Variants in ABTB2 observed in about 807,000 individuals in gnomAD.
The protein encoded by ABTB2 is ankyrin repeat and BTB/POZ domain-containing protein 2.
A neutral mutation model predicts 104.1 loss-of-function variants in ABTB2; 56 were observed. The ratio of observed to expected loss-of-function variants is 0.54; its 90% confidence interval spans 0.43 to 0.67. The LOEUF (loss-of-function observed/expected upper bound fraction) is 0.67, where lower values mean the gene tolerates loss of function less well. ABTB2 is among the 30% of genes least tolerant of loss of function. ABTB2 has a pLI of 0.00. For synonymous variants in ABTB2, 606 were observed against 608.2 expected, an observed-to-expected ratio of 1.00 and a Z score of 0.05; for missense variants, 1,279 against 1,407.7, an observed-to-expected ratio of 0.91 and a Z score of 1.46.
intron 14 of ABTB2, among the ~76,000 whole-genome samples, 196 bp downstream of exon 14, chr11:34,159,100 G>A (rs1852671612): frequency 6.6e-6 from 1 of 152,244 alleles, no homozygotes; most frequent in Admixed American, 6.5e-5. Flanking sequence ...CCATGTGACA[G>A]GCTCTGAAGC....
intron 3 of ABTB2, among the ~76,000 whole-genome samples, chr11:34,174,652 A>G (rs890721346): frequency 2.0e-5 from 3 of 152,176 alleles, no homozygotes; most frequent in Non-Finnish European, 2.9e-5. Context: ...TCCGTGTTGG[A>G]GCCCCCTCAG....
intron 3 of ABTB2, 30 bp downstream of exon 3, chr11:34,197,295 C>A (rs752802505): frequency 6.2e-6 from 10 of 1,609,370 alleles, no homozygotes; most frequent in Non-Finnish European, 8.5e-6. Context: ...GCACGTCCCA[C>A]CAGGTGCTCA....
At chr11:34,158,260 A>AAAATT (rs1415340611) in intron 14 of ABTB2, among the ~76,000 whole-genome samples, 9 of 152,140 alleles carry the variant, frequency 5.9e-5, no homozygotes, top group Middle Eastern at 3.2e-3. Context: ...AAAAATACAA[A>AAAATT]AAATTAGCTG....
In ABTB2 at chr11:34,241,995, A is replaced by C. The variant is rs540470673; in HGVS notation, c.884-37305T>G. 1.1e-4 allele frequency among the ~76,000 whole-genome samples: 16 copies of C among 152,378 alleles called. No individual in the cohort carries two copies. The South Asian group carries it at 3.3e-3, about 32-fold the overall frequency. ...CTCCTGGCCCCTTGTTTGCTTCAACAAATGAAAGAAGCAAAATGCAGAAGC... is the reference window on the plus strand; with the variant it reads ...CTCCTGGCCCCTTGTTTGCTTCAACCAATGAAAGAAGCAAAATGCAGAAGC... On this transcript the variant is annotated intron_variant, in intron 1 of 16. Coordinates refer to ENST00000435224, the MANE Select transcript of ABTB2 (RefSeq NM_145804.3).
At chr11:34,299,106 G>A (rs1289187513) in intron 1 of ABTB2, among the ~76,000 whole-genome samples, 3 of 152,182 alleles carry the variant, frequency 2.0e-5, no homozygotes, top group Admixed American at 6.5e-5. Flanking sequence ...TACAGGGAAC[G>A]GATCTTTTTA....
intron 1 of ABTB2, among the ~76,000 whole-genome samples, chr11:34,219,882 AG>A (rs1240474174): frequency 3.3e-5 from 5 of 152,230 alleles, no homozygotes; most frequent in African/African-American, 1.2e-4. Context: ...GAAACTTGGA[AG>A]GACAGCCTGA....
intron 1 of ABTB2, among the ~76,000 whole-genome samples, chr11:34,333,386 T>C (rs1209572832): frequency 1.3e-5 from 2 of 151,968 alleles, no homozygotes; most frequent in African/African-American, 2.4e-5. Context: ...TCCCAATCTA[T>C]ACTAAAGGAG....
At chr11:34,249,316 G>A (rs1440093538) in intron 1 of ABTB2, among the ~76,000 whole-genome samples, 1 of 152,220 alleles carries the variant, frequency 6.6e-6, no homozygotes, top group Non-Finnish European at 1.5e-5. Flanking sequence ...TGTGGTCAGT[G>A]TAGGACGATA....
At chr11:34,174,471 C>A (rs1852935838) in intron 3 of ABTB2, among the ~76,000 whole-genome samples, 1 of 152,244 alleles carries the variant, frequency 6.6e-6, no homozygotes, top group Non-Finnish European at 1.5e-5. Flanking sequence ...TGCAAACTCC[C>A]GGGGCGCCGC....
chr11:34,332,162 G>A (rs1223194896), intron 1 of ABTB2, among the ~76,000 whole-genome samples: 1 of 152,080 alleles, frequency 6.6e-6, no homozygotes, highest in Non-Finnish European at 1.5e-5. Context: ...GTAACTTTTC[G>A]CCTCTATTCT....
intron 3 of ABTB2, among the ~76,000 whole-genome samples, chr11:34,175,583 T>C (rs1398221803): frequency 6.6e-6 from 1 of 152,206 alleles, no homozygotes; most frequent in Non-Finnish European, 1.5e-5. Flanking sequence ...AAGTTAGGGA[T>C]TTTCTGTAAT....
At chr11:34,161,232 C>T in intron 10 of ABTB2, 151 bp from the exon 11 acceptor site, 1 of 699,366 alleles carries the variant, frequency 1.4e-6, no homozygotes. Flanking sequence ...CCTTCCTGGG[C>T]ATGGAGTGGC....
intron 1 of ABTB2, among the ~76,000 whole-genome samples, chr11:34,250,146 T>C (rs1166083298): frequency 2.6e-5 from 4 of 152,076 alleles, no homozygotes; most frequent in Admixed American, 2.6e-4. Context: ...AGCTGGGTGT[T>C]CTAAGAGCAC....
Position 34,165,256 on chromosome 11 carries a change from C to T in ABTB2, c.1852+4G>A, listed in dbSNP as rs745905076. ...GACAGAGCCTCCGGGTAGCAGGTGCCTACCTGCCGCAGAGGCCAGCTGCAG... is the reference window on the plus strand; with the variant it reads ...GACAGAGCCTCCGGGTAGCAGGTGCTTACCTGCCGCAGAGGCCAGCTGCAG... On this transcript the variant is annotated splice_donor_region_variant and intron_variant, in intron 8 of 16. Transcript: ENST00000435224. 9.1e-6 allele frequency: 14 copies of T among 1,546,500 alleles called. No individual in the cohort carries two copies. The highest frequency in any genetic ancestry group is 2.0e-5 in the Admixed American group (1 of 50,526).
At chr11:34,263,666 A>G (rs891181827) in intron 1 of ABTB2, among the ~76,000 whole-genome samples, 4 of 152,046 alleles carry the variant, frequency 2.6e-5, no homozygotes, top group African/African-American at 7.2e-5. Context: ...AGTTTCCATT[A>G]CCAGCCCAGG....
chr11:34,239,324 T>C (rs929034072), intron 1 of ABTB2, among the ~76,000 whole-genome samples: 9 of 152,126 alleles, frequency 5.9e-5, no homozygotes, highest in East Asian at 3.9e-4. Context: ...CAAGGCTTCA[T>C]TGATGCTGCT....
rs924927544 is a variant in ABTB2, at chr11:34,195,082, G to C, written c.1244+2243C>G. Among the ~76,000 whole-genome samples the C allele has an allele frequency of 1.4e-3, 137 of 95,060 alleles. 21 individuals are homozygous for C. Among genetic ancestry groups the C allele is most frequent in the Non-Finnish European group, 2.7e-3 (107 of 39,222 alleles). 62.4% of individuals were successfully genotyped at this position (95,060 alleles called of 152,430 possible). On this transcript the variant is annotated intron_variant, in intron 3 of 16. Transcript: ENST00000435224. ...CATGACAAAGATGCCCGGCGGGGGG[G>C]GGGAGTGGGGGCGGGAGAAAGTGCC...
At chr11:34,173,572 A>C (rs1852916916) in intron 3 of ABTB2, among the ~76,000 whole-genome samples, 1 of 152,142 alleles carries the variant, frequency 6.6e-6, no homozygotes, top group African/African-American at 2.4e-5. Context: ...CTTTCTGCTC[A>C]CAGAGACCCC....
intron 1 of ABTB2, among the ~76,000 whole-genome samples, chr11:34,270,967 T>C (rs1434042896): frequency 6.6e-6 from 1 of 152,188 alleles, no homozygotes; most frequent in Non-Finnish European, 1.5e-5. Flanking sequence ...ATACCTAAAG[T>C]TGATTCTCTT....
Sources: gnomAD v4.1 joint callset for allele counts (sites outside exome capture counted in the v4.1 genomes callset) on GRCh38, gnomAD v4.1.1 for gene constraint, MANE v1.5 for transcripts, NCBI Gene and HGNC (gene_info 2026-07-23, HGNC 2026-07-21) for gene names.